PRKAR2A: variants seen among roughly 807,000 people sequenced by gnomAD.
PRKAR2A encodes the protein protein kinase cAMP-dependent type II regulatory subunit alpha.
In PRKAR2A, 29 loss-of-function variants were observed where a neutral mutation model predicts 51.9. The ratio of observed to expected loss-of-function variants is 0.56; its 90% CI spans 0.42 to 0.76. PRKAR2A has a LOEUF of 0.76. Among genes scored for constraint, PRKAR2A ranks in the 30% least tolerant of loss-of-function variants. The probability of loss-of-function intolerance (pLI) is 0.00; values close to 1 mark genes in which losing one functional copy is unlikely to be tolerated. For missense variants in PRKAR2A, 445 were observed against 512.1 expected (o/e 0.87, Z 1.26); for synonymous variants, 178 against 186.2 (o/e 0.96, Z 0.36).
chr3:48,753,261 G>T (rs905801442), intron 9 of PRKAR2A, among the ~76,000 whole-genome samples: 15 of 150,620 alleles, frequency 1.0e-4, no homozygotes, highest in Non-Finnish European at 2.1e-4. Flanking sequence ...CTAAATTTAA[G>T]ATAATATACT....
At chr3:48,781,664 C>T (rs2082198941) in intron 5 of PRKAR2A, among the ~76,000 whole-genome samples, 1 of 152,090 alleles carries the variant, frequency 6.6e-6, no homozygotes, top group Admixed American at 6.6e-5. Context: ...AGGCGCGTGC[C>T]ACCATGCCCA....
intron 5 of PRKAR2A, among the ~76,000 whole-genome samples, chr3:48,780,182 C>G (rs2082171746): frequency 6.6e-6 from 1 of 151,410 alleles, no homozygotes; most frequent in African/African-American, 2.4e-5. Context: ...ACAAAAAAAC[C>G]TATTCTGTCA....
chr3:48,793,619 A>C (rs2082429374), intron 3 of PRKAR2A, among the ~76,000 whole-genome samples: 1 of 150,424 alleles, frequency 6.6e-6, no homozygotes, highest in South Asian at 2.1e-4. Context: ...TCAGGCTCCT[A>C]AGTAGCTGTG....
chr3:48,772,933 G>T (rs759368393), intron 6 of PRKAR2A, 22 bp downstream of exon 6: 4 of 1,605,622 alleles, frequency 2.5e-6, no homozygotes, highest in Middle Eastern at 1.7e-4. Context: ...GCCTTGCAAG[G>T]GGAACGATTT....
At chr3:48,783,899 T>C (rs1411994313) in intron 4 of PRKAR2A, among the ~76,000 whole-genome samples, 1 of 152,092 alleles carries the variant, frequency 6.6e-6, no homozygotes, top group Non-Finnish European at 1.5e-5. Flanking sequence ...TTTCTTCATA[T>C]GTAAAAAGGG....
At chr3:48,760,230 G>A (rs2081843007) in intron 8 of PRKAR2A, among the ~76,000 whole-genome samples, 1 of 152,230 alleles carries the variant, frequency 6.6e-6, no homozygotes, top group Admixed American at 6.5e-5. Context: ...GGTGATGCAT[G>A]CCTGTAGTTC....
chr3:48,785,554 C>T (rs1173881314), intron 4 of PRKAR2A, among the ~76,000 whole-genome samples: 1 of 151,980 alleles, frequency 6.6e-6, no homozygotes, highest in East Asian at 1.9e-4. Flanking sequence ...GCCACCGGGC[C>T]CGGCCTTAAT....
chr3:48,831,365 C>CTTCT (rs1553681302), intron 1 of PRKAR2A, among the ~76,000 whole-genome samples: 1 of 126,364 alleles, frequency 7.9e-6, no homozygotes, highest in African/African-American at 3.0e-5. Context: ...TCCAAAATAT[C>CTTCT]TTTTTTTTTT....
At chr3:48,810,125 G>C (rs2082747145) in intron 1 of PRKAR2A, among the ~76,000 whole-genome samples, 1 of 152,030 alleles carries the variant, frequency 6.6e-6, no homozygotes, top group East Asian at 1.9e-4. Context: ...TAATTTGACA[G>C]CCTTTGTCAA....
At chr3:48,756,479 G>C in intron 8 of PRKAR2A, 35 bp from the exon 9 acceptor site, 1 of 1,517,828 alleles carries the variant, frequency 6.6e-7, no homozygotes, top group African/African-American at 1.4e-5. Context: ...AGAGCCATAA[G>C]TAGTATTGAA....
chr3:48,838,386 C>T (rs1345351286), intron 1 of PRKAR2A, among the ~76,000 whole-genome samples: 1 of 151,902 alleles, frequency 6.6e-6, no homozygotes, highest in African/African-American at 2.4e-5. Flanking sequence ...GTGGACAGAT[C>T]ACCTGAGGTT....
chr3:48,837,816 A>C (rs905488907), intron 1 of PRKAR2A, among the ~76,000 whole-genome samples: 2 of 152,200 alleles, frequency 1.3e-5, no homozygotes, highest in Non-Finnish European at 2.9e-5. Context: ...AAAAAAAAAA[A>C]AAAAGTACTG....
At chr3:48,797,426 C>T (rs758526391) in intron 2 of PRKAR2A, among the ~76,000 whole-genome samples, 5 of 152,132 alleles carry the variant, frequency 3.3e-5, no homozygotes, top group Non-Finnish European at 5.9e-5. Flanking sequence ...CGCCCAGCCC[C>T]ACTCCCAGTT....
At chr3:48,822,044 C>T (rs576481605) in intron 1 of PRKAR2A, among the ~76,000 whole-genome samples, 3 of 151,650 alleles carry the variant, frequency 2.0e-5, no homozygotes, top group African/African-American at 7.3e-5. Flanking sequence ...GCCAACATGG[C>T]GAAACCCCAT....
chr3:48,785,151 C>T (rs187605566), intron 4 of PRKAR2A, among the ~76,000 whole-genome samples: 3 of 147,298 alleles, frequency 2.0e-5, no homozygotes, highest in East Asian at 2.0e-4. Context: ...AGTGCAGTGG[C>T]GCGATCTTGG....
intron 2 of PRKAR2A, among the ~76,000 whole-genome samples, chr3:48,806,105 T>C (rs2082672751): frequency 6.6e-6 from 1 of 152,210 alleles, no homozygotes; most frequent in Admixed American, 6.6e-5. Flanking sequence ...TAATCCCTAC[T>C]CTCAGGATAT....
Position 48,847,401 on chromosome 3 carries a change from G to A in PRKAR2A, c.196C>T (p.Pro66Ser), listed in dbSNP as rs200759322. The A allele has an allele frequency of 1.2e-6, 2 of 1,607,764 alleles. No homozygotes were observed. ...GCGTCGGCGACACGGTCCGGGCCGGGTTCTGGCGGGGGGTGGCCCAGGCTC... is the reference window on the plus strand; with the variant it reads ...GCGTCGGCGACACGGTCCGGGCCGGATTCTGGCGGGGGGTGGCCCAGGCTC... ...RQSLGHPPPE[P>S]GPDRVADAKG... is the part of the protein sequence containing the mutation. The change falls in exon 1 of 11, where the codon CCC becomes TCC. Residue 66 changes from proline to serine, a missense_variant. Pro to Ser is a moderately conservative substitution (Grantham distance 74). Transcript: ENST00000265563. This position sits in a 1 kb window ranked among gnomAD's most constrained non-coding sequence, Gnocchi z 4.4.
intron 4 of PRKAR2A, among the ~76,000 whole-genome samples, chr3:48,789,920 T>C (rs1026721555): frequency 1.8e-4 from 28 of 151,630 alleles, no homozygotes; most frequent in African/African-American, 6.8e-4. Flanking sequence ...CCTCTCTCCC[T>C]CTCTTTTCTT....
intron 2 of PRKAR2A, among the ~76,000 whole-genome samples, chr3:48,798,657 T>C (rs1370140459): frequency 2.0e-5 from 3 of 147,866 alleles, no homozygotes; most frequent in Non-Finnish European, 4.4e-5. Flanking sequence ...GAAATCTTCC[T>C]TTTTAATTTT....
Sources: allele counts gnomAD v4.1 joint callset (sites outside exome capture counted in the v4.1 genomes callset), GRCh38; gene constraint gnomAD v4.1.1; non-coding constraint Gnocchi (gnomAD v3.1); transcripts MANE v1.5; gene names NCBI Gene and HGNC (gene_info 2026-07-23, HGNC 2026-07-21).